Variants in RSPH10B2 observed in about 807,000 individuals in gnomAD.
RSPH10B2 encodes radial spoke head 10 homolog B2, also known as radial spoke head 10 homolog B2 (Chlamydomonas).
Under a neutral mutation model 49.0 loss-of-function variants are expected in RSPH10B2, and 9 were observed. That is an observed-to-expected ratio of 0.18 (90% CI 0.11 to 0.32). The LOEUF is 0.32. Among genes scored for constraint, RSPH10B2 ranks in the 10% least tolerant of loss-of-function variants. The probability of loss-of-function intolerance (pLI) is 1.00; values close to 1 mark genes in which losing one functional copy is unlikely to be tolerated. For missense variants in RSPH10B2, 95 were observed against 589.9 expected, an observed-to-expected ratio of 0.16 and a Z score of 8.69; for synonymous variants, 35 against 210.2, an observed-to-expected ratio of 0.17 and a Z score of 7.21.
Position 6,763,318 on chromosome 7 carries a change from A to C in RSPH10B2, c.400-610A>C, listed in dbSNP as rs1482791353. 4.2e-4 allele frequency among the ~76,000 whole-genome samples: 31 copies of C among 74,104 alleles called. 1 individual carries two copies. The highest frequency in any genetic ancestry group is 6.4e-4 in the Non-Finnish European group (25 of 39,210). 48.6% of individuals were successfully genotyped at this position (74,104 alleles called of 152,430 possible). On this transcript the variant is annotated intron_variant, in intron 3 of 18. Coordinates refer to ENST00000297186, the Ensembl canonical transcript of RSPH10B2. ...GCAGGGTGTGATGATGGGTGCCTGTAATCCCAGCTACTTGGGAGGCTGAGG... is the reference window on the plus strand; with the variant it reads ...GCAGGGTGTGATGATGGGTGCCTGTCATCCCAGCTACTTGGGAGGCTGAGG...
chr7:6,798,007 C>T (rs1372200317), intron 18 of RSPH10B2, among the ~76,000 whole-genome samples: 1 of 80,806 alleles, frequency 1.2e-5, no homozygotes. Context: ...GGCGTGGTAG[C>T]GGAAGCCTAT....
At chr7:6,782,838 G>A (rs62441788) in intron 13 of RSPH10B2, among the ~76,000 whole-genome samples, 8,776 of 111,954 alleles carry the variant, frequency 0.078, 590 homozygotes, top group South Asian at 0.13. Flanking sequence ...AGCTGGAATT[G>A]TGCCACTGCA....
chr7:6,797,864 A>AT (rs1370266545), intron 18 of RSPH10B2, among the ~76,000 whole-genome samples: 1 of 71,350 alleles, frequency 1.4e-5, no homozygotes, highest in Admixed American at 1.6e-4. Context: ...AAAAAAAAAA[A>AT]ATACACACAC....
intron 17 of RSPH10B2, among the ~76,000 whole-genome samples, chr7:6,795,348 G>C (rs1264878347): frequency 1.1e-4 from 1 of 9,242 alleles, no homozygotes; most frequent in Non-Finnish European, 2.9e-4. Context: ...ATAACTACTA[G>C]GAAATTACTT....
At chr7:6,797,768 T>C (rs1782654556) in intron 18 of RSPH10B2, among the ~76,000 whole-genome samples, 1 of 139,626 alleles carries the variant, frequency 7.2e-6, no homozygotes, top group Admixed American at 7.6e-5. Context: ...GGCAGGAGGA[T>C]TGCTTGAGCC....
chr7:6,783,038 CTT>C (rs879776638), intron 13 of RSPH10B2, among the ~76,000 whole-genome samples: 6 of 119,906 alleles, frequency 5.0e-5, no homozygotes, highest in Non-Finnish European at 5.2e-5. Context: ...TTCCATGATA[CTT>C]TTTTTTTTTT....
At chr7:6,763,355 C>T (rs1259944757) in intron 3 of RSPH10B2, among the ~76,000 whole-genome samples, 45 of 94,868 alleles carry the variant, frequency 4.7e-4, no homozygotes, top group African/African-American at 2.0e-3. Context: ...AGGAGAACTG[C>T]TTGAACCTGG....
At chr7:6,795,932 TAAA>T (rs201650381) in intron 17 of RSPH10B2, among the ~76,000 whole-genome samples, 1 of 139,346 alleles carries the variant, frequency 7.2e-6, no homozygotes, top group Non-Finnish European at 1.6e-5. Context: ...AGCTTGTCTT[TAAA>T]AAAAAAAAGA....
intron 10 of RSPH10B2, among the ~76,000 whole-genome samples, chr7:6,776,921 ACAC>A: frequency 7.2e-6 from 1 of 138,214 alleles, no homozygotes; most frequent in Non-Finnish European, 1.6e-5. Flanking sequence ...ACACACACAC[ACAC>A]ACAAAAGGCA....
chr7:6,758,403 C>G (rs1474562975), intron 1 of RSPH10B2, among the ~76,000 whole-genome samples: 1 of 147,702 alleles, frequency 6.8e-6, no homozygotes, highest in Non-Finnish European at 1.5e-5. Context: ...AGCCCATCAC[C>G]CAAATAGCAA....
chr7:6,764,708 TTGTGTGTGTG>T (rs372144067), intron 4 of RSPH10B2, among the ~76,000 whole-genome samples: 23 of 147,616 alleles, frequency 1.6e-4, no homozygotes, highest in Admixed American at 4.1e-4. Flanking sequence ...GTTGTTGTTG[TTGTGTGTGTG>T]TGTGTGTGTG....
chr7:6,758,423 C>T (rs1781152920), intron 1 of RSPH10B2, among the ~76,000 whole-genome samples: 1 of 147,246 alleles, frequency 6.8e-6, no homozygotes, highest in Admixed American at 6.8e-5. Context: ...AACATACAGC[C>T]CCATGGCGTG....
At chr7:6,797,038 TCTCA>T (rs1240262209) in intron 18 of RSPH10B2, 1 of 348,724 alleles carries the variant, frequency 2.9e-6, no homozygotes, top group Non-Finnish European at 4.9e-6. Flanking sequence ...TTAGACAGGG[TCTCA>T]CTGTCACCCA....
intron 6 of RSPH10B2, among the ~76,000 whole-genome samples, chr7:6,768,105 A>G (rs1419533255): frequency 8.5e-6 from 1 of 117,958 alleles, no homozygotes; most frequent in African/African-American, 3.6e-5. Flanking sequence ...GGATCACTTG[A>G]GTCTTGGAGG....
chr7:6,776,921 AC>A (rs1562408735), intron 10 of RSPH10B2, among the ~76,000 whole-genome samples: 3 of 138,212 alleles, frequency 2.2e-5, no homozygotes, highest in Non-Finnish European at 3.1e-5. Context: ...ACACACACAC[AC>A]ACACAAAAGG....
intron 3 of RSPH10B2, among the ~76,000 whole-genome samples, chr7:6,763,382 T>C (rs1260991154): frequency 1.9e-5 from 2 of 104,160 alleles, no homozygotes; most frequent in Non-Finnish European, 3.8e-5. Context: ...GAGGTTGCAG[T>C]GAGCCGAGAT....
chr7:6,767,803 T>C (rs1227826498), intron 6 of RSPH10B2, among the ~76,000 whole-genome samples: 1 of 57,980 alleles, frequency 1.7e-5, no homozygotes, highest in African/African-American at 9.3e-5. Context: ...CACAGGCTGG[T>C]CTTGAACTCT....
At chr7:6,783,831 TAA>T in intron 13 of RSPH10B2, among the ~76,000 whole-genome samples, 4 of 143,506 alleles carry the variant, frequency 2.8e-5, no homozygotes, top group African/African-American at 7.9e-5. Flanking sequence ...ATAATAATAA[TAA>T]TAATAATTAT....
intron 17 of RSPH10B2, chr7:6,794,171 T>C (rs1782474922): frequency 6.1e-6 from 1 of 163,944 alleles, no homozygotes; most frequent in Admixed American, 6.5e-5. Context: ...CCTTTGCTGC[T>C]AGGCATCTTG....
Sources: gnomAD v4.1 joint callset for allele counts (sites outside exome capture counted in the v4.1 genomes callset) on GRCh38, gnomAD v4.1.1 for gene constraint, MANE v1.5 for transcripts, NCBI Gene and HGNC (gene_info 2026-07-23, HGNC 2026-07-21) for gene names.